The following KCND2 variants were observed in gnomAD, a reference collection of about 807,000 sequenced individuals.
KCND2 encodes the protein A-type voltage-gated potassium channel KCND2.
KCND2 carries 16 observed loss-of-function variants against 54.4 expected under a neutral mutation model. The ratio of observed to expected loss-of-function variants is 0.29; its 90% confidence interval spans 0.20 to 0.45. The LOEUF is 0.45. Among genes scored for constraint, KCND2 ranks in the 20% least tolerant of loss-of-function variants. The pLI is 1.00. For missense variants in KCND2, 486 were observed against 824.2 expected, an observed-to-expected ratio of 0.59 and a Z score of 5.02; for synonymous variants, 317 against 310.7, an observed-to-expected ratio of 1.02 and a Z score of -0.21.
intron 1 of KCND2, among the ~76,000 whole-genome samples, chr7:120,403,033 C>T (rs985965471): frequency 2.0e-5 from 3 of 152,114 alleles, no homozygotes; most frequent in Non-Finnish European, 2.9e-5. Context: ...GAACTTTAAA[C>T]GTTTTTGCTT....
At chr7:120,652,209 G>A (rs754723074) in intron 1 of KCND2, among the ~76,000 whole-genome samples, 3 of 152,036 alleles carry the variant, frequency 2.0e-5, no homozygotes, top group Non-Finnish European at 2.9e-5. Context: ...CTGAGTAGCT[G>A]GGACTACAGG....
At chr7:120,284,418 A>C (rs1031813992) in intron 1 of KCND2, among the ~76,000 whole-genome samples, 1 of 152,152 alleles carries the variant, frequency 6.6e-6, no homozygotes, top group Non-Finnish European at 1.5e-5. Flanking sequence ...ATTCTTCTCC[A>C]TATTGTTTTA....
At chr7:120,725,923 T>C (rs1792728448) in intron 1 of KCND2, among the ~76,000 whole-genome samples, 1 of 152,204 alleles carries the variant, frequency 6.6e-6, no homozygotes, top group African/African-American at 2.4e-5. Flanking sequence ...TGAAAGTTCA[T>C]AGACTCCGAG....
At chr7:120,444,684 G>T (rs1332661894) in intron 1 of KCND2, among the ~76,000 whole-genome samples, 1 of 152,018 alleles carries the variant, frequency 6.6e-6, no homozygotes, top group East Asian at 1.9e-4. Context: ...GCTGAGAACA[G>T]CTTAAAACCT....
At chr7:120,331,961 C>T (rs1197774422) in intron 1 of KCND2, among the ~76,000 whole-genome samples, 3 of 151,886 alleles carry the variant, frequency 2.0e-5, no homozygotes, top group Non-Finnish European at 1.5e-5. Context: ...TTCTCCTGTT[C>T]GACTTTCAAT....
At chr7:120,577,527 C>T (rs938364838) in intron 1 of KCND2, among the ~76,000 whole-genome samples, 6 of 150,152 alleles carry the variant, frequency 4.0e-5, no homozygotes, top group African/African-American at 1.5e-4. Context: ...TTAACTCTGC[C>T]TCCCTGGACT....
chr7:120,416,484 T>C (rs185736984), intron 1 of KCND2, among the ~76,000 whole-genome samples: 104 of 152,296 alleles, frequency 6.8e-4, no homozygotes, highest in African/African-American at 2.0e-3. Context: ...GTATTACATA[T>C]ATGTTTTTCA....
chr7:120,466,240 A>C (rs1436093897), intron 1 of KCND2, among the ~76,000 whole-genome samples: 1 of 152,196 alleles, frequency 6.6e-6, no homozygotes, highest in Non-Finnish European at 1.5e-5. Context: ...CACAGTTAGC[A>C]GAGGATAAGA....
At chr7:120,695,851 A>C (rs192245918) in intron 1 of KCND2, among the ~76,000 whole-genome samples, 122 of 152,342 alleles carry the variant, frequency 8.0e-4, no homozygotes, top group African/African-American at 2.9e-3. Context: ...TAGTTTATAG[A>C]TGGAAGTTGA....
At chr7:120,422,934 G>A (rs1227654312) in intron 1 of KCND2, among the ~76,000 whole-genome samples, 1 of 151,984 alleles carries the variant, frequency 6.6e-6, no homozygotes, top group African/African-American at 2.4e-5. Flanking sequence ...CACACTTCAA[G>A]GCAGTCTGTC....
At chr7:120,691,537 A>C (rs1354005478) in intron 1 of KCND2, among the ~76,000 whole-genome samples, 1 of 152,188 alleles carries the variant, frequency 6.6e-6, no homozygotes, top group East Asian at 1.9e-4. Flanking sequence ...TGCTACCTTC[A>C]AGTAAACTGG....
intron 1 of KCND2, among the ~76,000 whole-genome samples, chr7:120,520,333 C>T (rs77697527): frequency 4.2e-4 from 64 of 152,078 alleles, no homozygotes; most frequent in African/African-American, 1.4e-3. Flanking sequence ...AAAAGTTACA[C>T]GTAAGAATAC....
At chr7:120,482,630 C>T (rs567979468) in intron 1 of KCND2, among the ~76,000 whole-genome samples, 1 of 152,132 alleles carries the variant, frequency 6.6e-6, no homozygotes, top group East Asian at 1.9e-4. Context: ...GGAGTGGGCC[C>T]CTCAGAAAAA....
chr7:120,305,868 T>C lies in KCND2; in HGVS notation c.1115+30121T>C, dbSNP rs189093680. Among the ~76,000 whole-genome samples the C allele has an allele frequency of 9.9e-5, 15 of 152,272 alleles. No homozygotes were observed. The East Asian group carries it at 2.7e-3, about 27-fold the overall frequency. On this transcript the variant is annotated intron_variant, in intron 1 of 5. Transcript: ENST00000331113. The stretch of plus-strand genomic sequence containing the variant: ...AAGTTCTCAACATGCTGATTTTGAA[T>C]CCATTTTAAGGGTCCAAACCCTTGT...
At chr7:120,714,175 G>A (rs867104262) in intron 1 of KCND2, among the ~76,000 whole-genome samples, 7 of 152,100 alleles carry the variant, frequency 4.6e-5, no homozygotes, top group Middle Eastern at 3.4e-3. Context: ...TAAGAAGCTC[G>A]CTTATTTTCT....
intron 1 of KCND2, among the ~76,000 whole-genome samples, chr7:120,285,875 T>C (rs1458894642): frequency 6.6e-6 from 1 of 151,938 alleles, no homozygotes; most frequent in African/African-American, 2.4e-5. Flanking sequence ...TAGGACACTT[T>C]ATTTACTTTA....
chr7:120,607,893 C>G (rs535158320), intron 1 of KCND2, among the ~76,000 whole-genome samples: 1 of 151,886 alleles, frequency 6.6e-6, no homozygotes, highest in Non-Finnish European at 1.5e-5. Context: ...TAGTCCTAAC[C>G]AGGAAAAGTG....
intron 1 of KCND2, among the ~76,000 whole-genome samples, chr7:120,368,446 T>C (rs1320927048): frequency 6.6e-6 from 1 of 152,082 alleles, no homozygotes. Flanking sequence ...TTGTATAAAT[T>C]TTAAAAATCG....
chr7:120,485,915 T>G lies in KCND2; in HGVS notation c.1115+210168T>G, dbSNP rs1802686917. Among the ~76,000 whole-genome samples the G allele has an allele frequency of 3.3e-5, 5 of 152,286 alleles. No individual in the cohort carries two copies. In the South Asian group the frequency reaches 1.0e-3, roughly 32 times the overall value. On this transcript the variant is annotated intron_variant, in intron 1 of 5. Coordinates refer to ENST00000331113, the MANE Select transcript of KCND2 (RefSeq NM_012281.3). ...ATACAGAAAGTGTTTGATAAATATT[T>G]TAAATGCATAAATAAATGCATGAAC...
Sources: gnomAD v4.1 joint callset for allele counts (sites outside exome capture counted in the v4.1 genomes callset) on GRCh38, gnomAD v4.1.1 for gene constraint, MANE v1.5 for transcripts, NCBI Gene and HGNC (gene_info 2026-07-23, HGNC 2026-07-21) for gene names.